The following PPP2R3B variants were observed in gnomAD, a reference collection of about 807,000 sequenced individuals.
The protein encoded by PPP2R3B is serine/threonine-protein phosphatase 2A regulatory subunit B'' subunit beta.
Under a neutral mutation model 72.9 loss-of-function variants are expected in PPP2R3B, and 68 were observed. The ratio of observed to expected loss-of-function variants is 0.93; its 90% CI spans 0.77 to 1.14. The LOEUF (loss-of-function observed/expected upper bound fraction) is 1.14. Ranked by LOEUF, PPP2R3B falls within the 50% of genes most tolerant of loss-of-function variation. The probability of loss-of-function intolerance (pLI) is 0.00; values close to 1 mark genes in which losing one functional copy is unlikely to be tolerated. For missense variants in PPP2R3B, 1,018 were observed against 842.0 expected, an observed-to-expected ratio of 1.21 and a Z score of -2.59; for synonymous variants, 466 against 375.8, an observed-to-expected ratio of 1.24 and a Z score of -2.78.
At chrX:381,591 A>ATTTT (rs2072125593) in intron 1 of PPP2R3B, among the ~76,000 whole-genome samples, 1 of 132,472 alleles carries the variant, frequency 7.5e-6, no homozygotes, top group African/African-American at 3.0e-5. Context: ...GAACAAGCTC[A>ATTTT]TCTTTTTTTT....
chrX:358,234 C>T (rs1303173302), intron 2 of PPP2R3B, among the ~76,000 whole-genome samples: 3 of 120,938 alleles, frequency 2.5e-5, no homozygotes, highest in South Asian at 5.6e-4. Context: ...GCGAGCTGGG[C>T]GCCACCGAGA....
At chrX:348,951 A>G (rs1240422087) in intron 2 of PPP2R3B, among the ~76,000 whole-genome samples, 3 of 152,178 alleles carry the variant, frequency 2.0e-5, no homozygotes, top group African/African-American at 7.2e-5. Context: ...AGGAAGTCAC[A>G]GGCCAGTTAT....
chrX:359,971 TA>T, intron 2 of PPP2R3B: 1 of 384,870 alleles, frequency 2.6e-6, no homozygotes, highest in South Asian at 1.9e-5. Flanking sequence ...TAAAATACTT[TA>T]AAAACACAAT....
intron 2 of PPP2R3B, among the ~76,000 whole-genome samples, chrX:356,006 C>T (rs2071426788): frequency 6.6e-6 from 1 of 152,050 alleles, no homozygotes; most frequent in South Asian, 2.1e-4. Flanking sequence ...ACACAGCTGC[C>T]CCAAAATGAA....
rs753895716 is a variant in PPP2R3B, at chrX:346,248, T to TC, written c.804dup (p.Ile269AspfsTer76). On this transcript the variant is annotated frameshift_variant, in exon 6 of 13. Transcript: ENST00000390665. LOFTEE classifies it high-confidence loss of function. ...CAGGACCGGTTCACGGCGTAGAAGA[T>TC]CCGCTGGATGACCTGCGGGGGCGCT... The TC allele has an allele frequency of 7.6e-6, 12 of 1,569,230 alleles. No homozygotes were observed. The highest frequency in any genetic ancestry group is 9.5e-6 in the Non-Finnish European group (11 of 1,159,042).
chrX:385,319 T>C (rs756209550), intron 1 of PPP2R3B, among the ~76,000 whole-genome samples: 2 of 135,966 alleles, frequency 1.5e-5, no homozygotes, highest in East Asian at 2.1e-4. Context: ...TTTTTAGTTT[T>C]CTTTTTTTTT....
chrX:346,041 A>AGGTGGGCGTGGG, intron 6 of PPP2R3B, 133 bp downstream of exon 6: 1 of 465,288 alleles, frequency 2.1e-6, no homozygotes, highest in Admixed American at 3.3e-5. Flanking sequence ...AGCGCGGTGG[A>AGGTGGGCGTGGG]GGTGGGGGTG....
Position 386,788 on chromosome X carries a change from G to A in PPP2R3B, c.-97C>T. On this transcript the variant is annotated 5_prime_UTR_variant, in exon 1 of 13. Transcript: ENST00000390665. ...GGACCGACCTCGGTGATGCGAGCAC[G>A]GCCCGCTGAGGGGGCGCGGCGCAGG... The A allele has an allele frequency of 1.4e-6, 1 of 700,464 alleles. No homozygotes were observed. The highest frequency in any genetic ancestry group is 1.9e-6 in the Non-Finnish European group (1 of 529,228). 43.4% of individuals were successfully genotyped at this position (700,464 alleles called of 1,614,324 possible).
intron 1 of PPP2R3B, among the ~76,000 whole-genome samples, chrX:380,363 T>C (rs1305447528): frequency 1.3e-5 from 2 of 152,180 alleles, no homozygotes; most frequent in Non-Finnish European, 2.9e-5. Flanking sequence ...AACTCAGTGA[T>C]AACATAACCC....
chrX:334,662 C>T (rs1425441366), intron 12 of PPP2R3B, 145 bp from the exon 13 acceptor site: 4 of 974,432 alleles, frequency 4.1e-6, no homozygotes, highest in Non-Finnish European at 4.2e-6. Context: ...GCTGAGCCAG[C>T]AACGCGCTCC....
chrX:355,112 ACT>A (rs2071410927), intron 2 of PPP2R3B, among the ~76,000 whole-genome samples: 1 of 139,594 alleles, frequency 7.2e-6, no homozygotes, highest in African/African-American at 2.8e-5. Flanking sequence ...TGCGTTAGAG[ACT>A]CTGCCGGACT....
chrX:381,820 T>G (rs1268239394), intron 1 of PPP2R3B, among the ~76,000 whole-genome samples: 3 of 151,888 alleles, frequency 2.0e-5, no homozygotes, highest in Admixed American at 6.6e-5. Context: ...AGATGGTCTC[T>G]ATCTCCTGAC....
intron 1 of PPP2R3B, among the ~76,000 whole-genome samples, chrX:385,782 AAAAT>A (rs1423894730): frequency 6.6e-6 from 1 of 152,134 alleles, no homozygotes; most frequent in Non-Finnish European, 1.5e-5. Context: ...AAAGAATTGT[AAAAT>A]AAATAAAAAA....
rs1216420604 is a variant in PPP2R3B at position 338,682 on chromosome X, G to A, written c.1499C>T (p.Ser500Leu). 6.8e-6 allele frequency: 11 copies of A among 1,611,642 alleles called. No individual in the cohort carries two copies. The highest frequency in any genetic ancestry group is 1.3e-5 in the African/African-American group (1 of 75,026). Reference protein sequence around the residue: ...RDGDSGGPELSDWEKYAAEEY... With the variant: ...RDGDSGGPELLDWEKYAAEEY... ...CTCGGCCGCGTACTTCTCCCAGTCC[G>A]AGAGCTCGGGGCCGCCGCTGTCACC... Residue 500 changes from serine to leucine, a missense_variant, in exon 12 of 13, where the codon TCG becomes TTG. Physicochemically the swap from Ser to Leu is moderately radical, Grantham distance 145. Coordinates refer to ENST00000390665, the MANE Select transcript of PPP2R3B (RefSeq NM_013239.5).
At chrX:344,201 G>GGGAGGCGGGAGTGAGACCTCAC (rs1569383510) in intron 7 of PPP2R3B, among the ~76,000 whole-genome samples, 308 of 24,158 alleles carry the variant, frequency 0.013, 128 homozygotes, top group East Asian at 0.027. Context: ...TGAGACCTCA[G>GGGAGGCGGGAGTGAGACCTCAC]CAACGGGAGG....
At chrX:377,028 G>T (rs2072012555) in intron 1 of PPP2R3B, among the ~76,000 whole-genome samples, 1 of 94,382 alleles carries the variant, frequency 1.1e-5, no homozygotes. Flanking sequence ...ACCCAGTGGG[G>T]CCGCCATGGG....
At chrX:363,466 A>G (rs1603095016) in intron 1 of PPP2R3B, among the ~76,000 whole-genome samples, 48 of 148,724 alleles carry the variant, frequency 3.2e-4, no homozygotes, top group African/African-American at 1.1e-3. Context: ...CCACCATCCC[A>G]CAATGCATCT....
At chrX:363,688 C>CACGATCCCACAGT (rs2124240605) in intron 1 of PPP2R3B, among the ~76,000 whole-genome samples, 1 of 150,638 alleles carries the variant, frequency 6.6e-6, no homozygotes, top group South Asian at 2.1e-4. Context: ...TCCCCAAGCC[C>CACGATCCCACAGT]GCGATCCCAC....
rs1226898397 is a variant in PPP2R3B at position 338,701 on chromosome X, T to C, written c.1480A>G (p.Ser494Gly). The C allele has an allele frequency of 6.2e-7, 1 of 1,611,822 alleles. No individual in the cohort carries two copies. Among genetic ancestry groups the C allele is most frequent in the Non-Finnish European group, 8.5e-7 (1 of 1,179,656 alleles). Residue 494 changes from serine to glycine, a missense_variant, in exon 12 of 13, where the codon AGC becomes GGC. Physicochemically the swap from Ser to Gly is moderately conservative, Grantham distance 56. Transcript: ENST00000390665. ...EQISLLRDGDSGGPELSDWEK... is the reference protein window; with the variant it reads ...EQISLLRDGDGGGPELSDWEK... ...CAGTCCGAGAGCTCGGGGCCGCCGC[T>C]GTCACCGTCCTGGAGGAAGCACACG...
Sources: allele counts gnomAD v4.1 joint callset (sites outside exome capture counted in the v4.1 genomes callset), GRCh38; gene constraint gnomAD v4.1.1; transcripts MANE v1.5; gene names NCBI Gene and HGNC (gene_info 2026-07-23, HGNC 2026-07-21).